The following HHAT variants were observed in gnomAD, a reference collection of about 807,000 sequenced individuals.
The protein encoded by HHAT is protein-cysteine N-palmitoyltransferase HHAT.
A neutral mutation model predicts 70.8 loss-of-function variants in HHAT; 47 were observed. That is an observed-to-expected ratio of 0.66 (90% CI 0.53 to 0.85). The LOEUF is 0.85. HHAT is among the 40% of genes least tolerant of loss of function. The pLI is 0.00. For synonymous variants in HHAT, 228 were observed against 247.6 expected, an observed-to-expected ratio of 0.92 and a Z score of 0.74; for missense variants, 609 against 604.8, an observed-to-expected ratio of 1.01 and a Z score of -0.07.
chr1:210,662,873 A>G (rs1487627869), intron 11 of HHAT, among the ~76,000 whole-genome samples: 3 of 152,082 alleles, frequency 2.0e-5, no homozygotes, highest in Non-Finnish European at 4.4e-5. Flanking sequence ...AGGATGTGAA[A>G]TTGACTGTGA....
At chr1:210,376,163 C>T (rs755395538) in intron 3 of HHAT, among the ~76,000 whole-genome samples, 1 of 152,042 alleles carries the variant, frequency 6.6e-6, no homozygotes, top group Non-Finnish European at 1.5e-5. Context: ...CCACGCCTGG[C>T]TCAATAATTC....
chr1:210,404,631 A>G lies in HHAT; in HGVS notation c.636A>G (p.Pro212=). The part of the protein sequence containing the change: ...PWMLAYVFYY[P]VLHNGPILSF... ...TGCTGGCCTATGTCTTTTATTATCCAGTCTTACACAATGGGCCCATCCTCA... is the reference window on the plus strand; with the variant it reads ...TGCTGGCCTATGTCTTTTATTATCCGGTCTTACACAATGGGCCCATCCTCA... Residue 212 remains proline, a synonymous_variant, in exon 6 of 12, where the codon CCA becomes CCG. Transcript: ENST00000261458. The G allele has an allele frequency of 6.2e-7, 1 of 1,613,976 alleles. No homozygotes were observed. The highest frequency in any genetic ancestry group is 8.5e-7 in the Non-Finnish European group (1 of 1,180,014).
chr1:210,608,947 C>T (rs1666056064), intron 10 of HHAT, among the ~76,000 whole-genome samples: 1 of 152,118 alleles, frequency 6.6e-6, no homozygotes, highest in African/African-American at 2.4e-5. Context: ...ACCTTCTTCA[C>T]AAGGCTAAAA....
intron 6 of HHAT, among the ~76,000 whole-genome samples, chr1:210,410,001 G>A (rs1219494963): frequency 6.6e-6 from 1 of 152,026 alleles, no homozygotes; most frequent in Non-Finnish European, 1.5e-5. Flanking sequence ...CACATTAGAT[G>A]AGCTATATAT....
chr1:210,629,066 G>A (rs1485609441), intron 11 of HHAT, among the ~76,000 whole-genome samples: 2 of 152,256 alleles, frequency 1.3e-5, no homozygotes, highest in East Asian at 1.9e-4. Context: ...TGAGAAGCAG[G>A]TGCTTCCTGT....
At chr1:210,490,617 G>A (rs2094536253) in intron 8 of HHAT, among the ~76,000 whole-genome samples, 1 of 152,088 alleles carries the variant, frequency 6.6e-6, no homozygotes, top group Non-Finnish European at 1.5e-5. Flanking sequence ...GTGTCCTCAG[G>A]CAAATGAGAT....
intron 1 of HHAT, among the ~76,000 whole-genome samples, chr1:210,347,428 G>GGT (rs1318227805): frequency 5.3e-5 from 8 of 152,168 alleles, no homozygotes; most frequent in Admixed American, 5.2e-4. Flanking sequence ...AGAAGTACTT[G>GGT]GTGGGGTTGG....
chr1:210,634,328 T>C (rs566436179), intron 11 of HHAT, among the ~76,000 whole-genome samples: 1 of 152,182 alleles, frequency 6.6e-6, no homozygotes, highest in Non-Finnish European at 1.5e-5. Context: ...GTAAACCTGA[T>C]TTCCGTTTTT....
chr1:210,523,295 C>T (rs2095189667), intron 9 of HHAT, among the ~76,000 whole-genome samples: 1 of 152,182 alleles, frequency 6.6e-6, no homozygotes, highest in Non-Finnish European at 1.5e-5. Context: ...CATCTCCTAG[C>T]ATCTTTGTTC....
At chr1:210,656,789 T>G (rs548331706) in intron 11 of HHAT, among the ~76,000 whole-genome samples, 3 of 152,284 alleles carry the variant, frequency 2.0e-5, no homozygotes, top group African/African-American at 7.2e-5. Context: ...CCAGACTCCC[T>G]GACATCCCAG....
intron 8 of HHAT, among the ~76,000 whole-genome samples, chr1:210,477,710 A>C (rs1441582589): frequency 6.6e-6 from 1 of 152,206 alleles, no homozygotes; most frequent in African/African-American, 2.4e-5. Flanking sequence ...CATCGTGGGT[A>C]TCCTACAGGT....
chr1:210,562,400 T>G (rs1465276826), intron 9 of HHAT, among the ~76,000 whole-genome samples: 125 of 110,914 alleles, frequency 1.1e-3, no homozygotes, highest in Non-Finnish European at 1.7e-3. Context: ...GGCCAAGGGG[T>G]GGGGGGTGGG....
intron 9 of HHAT, among the ~76,000 whole-genome samples, chr1:210,560,146 A>G (rs73079538): frequency 0.011 from 1,627 of 152,278 alleles, 27 homozygotes; most frequent in African/African-American, 0.037. Flanking sequence ...CAGTCCTCCA[A>G]TTTCTCTCTT....
chr1:210,667,052 C>T (rs1403326652), intron 11 of HHAT, among the ~76,000 whole-genome samples: 1 of 151,124 alleles, frequency 6.6e-6, no homozygotes, highest in Admixed American at 6.6e-5. Context: ...TGCACTCCAG[C>T]CTGGGCGACA....
At chr1:210,473,299 G>T (rs559919160) in intron 8 of HHAT, among the ~76,000 whole-genome samples, 3 of 152,242 alleles carry the variant, frequency 2.0e-5, no homozygotes, top group Non-Finnish European at 4.4e-5. Flanking sequence ...CTGTTTTAAG[G>T]TTAATGCTGG....
intron 4 of HHAT, among the ~76,000 whole-genome samples, chr1:210,395,477 C>T (rs551940832): frequency 6.6e-6 from 1 of 152,292 alleles, no homozygotes; most frequent in Admixed American, 6.5e-5. Context: ...GTTATTCTCC[C>T]GGGAGACTCT....
intron 8 of HHAT, among the ~76,000 whole-genome samples, chr1:210,490,466 G>A (rs1037787488): frequency 5.9e-5 from 9 of 152,156 alleles, no homozygotes; most frequent in African/African-American, 2.2e-4. Context: ...TGGTTCCTGG[G>A]AGAATTCTCT....
At chr1:210,614,882 G>C (rs1167095619) in intron 10 of HHAT, among the ~76,000 whole-genome samples, 1 of 152,198 alleles carries the variant, frequency 6.6e-6, no homozygotes, top group Non-Finnish European at 1.5e-5. Context: ...ACGTGTGCAT[G>C]TGTCTTTATA....
rs144038782 is a variant in HHAT at position 210,345,870 on chromosome 1, G to GC, written c.-43-3062dup. On this transcript the variant is annotated intron_variant, in intron 1 of 11. Transcript: ENST00000261458. ...AGGCCACGGTGGGCGGATCTCCTGA[G>GC]CTTAGGAGTTTGAGACCAACCTGGG... 9.2e-3 allele frequency among the ~76,000 whole-genome samples: 1,403 copies of GC among 152,146 alleles called. 18 individuals carry two copies. The highest frequency in any genetic ancestry group is 0.032 in the African/African-American group (1,320 of 41,508).
Sources: gnomAD v4.1 joint callset for allele counts (sites outside exome capture counted in the v4.1 genomes callset) on GRCh38, gnomAD v4.1.1 for gene constraint, MANE v1.5 for transcripts, NCBI Gene and HGNC (gene_info 2026-07-23, HGNC 2026-07-21) for gene names.